The following CPNE3 variants were observed in gnomAD, a reference collection of about 807,000 sequenced individuals.
CPNE3 encodes copine-3.
CPNE3 carries 68 observed loss-of-function variants against 63.9 expected under a neutral mutation model. That is an observed-to-expected ratio of 1.06 (90% CI 0.87 to 1.30). CPNE3 has a LOEUF of 1.30. Ranked by LOEUF, CPNE3 falls within the 50% of genes most tolerant of loss-of-function variation. The probability of loss-of-function intolerance (pLI) is 0.00; values close to 1 mark genes in which losing one functional copy is unlikely to be tolerated. For synonymous variants in CPNE3, 219 were observed against 197.5 expected (o/e 1.11, Z -0.91); for missense variants, 665 against 578.1 (o/e 1.15, Z -1.54).
chr8:86,555,954 A>G (rs1280411202), intron 15 of CPNE3, 148 bp from the exon 16 acceptor site: 3 of 667,192 alleles, frequency 4.5e-6, no homozygotes, highest in Non-Finnish European at 8.1e-6. Flanking sequence ...CCTTGTCATC[A>G]GAGAAGCTTA....
chr8:86,516,897 T>C (rs1820324644), intron 2 of CPNE3, among the ~76,000 whole-genome samples: 1 of 152,262 alleles, frequency 6.6e-6, no homozygotes, highest in Non-Finnish European at 1.5e-5. Flanking sequence ...AATGATTATA[T>C]GTCATTTGAC....
intron 2 of CPNE3, 21 bp from the exon 3 acceptor site, chr8:86,528,515 T>C: frequency 6.2e-7 from 1 of 1,610,356 alleles, no homozygotes; most frequent in Non-Finnish European, 8.5e-7. Context: ...ACTTGCTTTC[T>C]CTTTTTATTG....
chr8:86,557,138 G>A (rs2131508641), intron 16 of CPNE3, among the ~76,000 whole-genome samples: 1 of 152,108 alleles, frequency 6.6e-6, no homozygotes, highest in South Asian at 2.1e-4. Flanking sequence ...TTTTGTTGTT[G>A]TTGTTGTTTG....
chr8:86,539,896 C>G (rs1209349959), intron 7 of CPNE3, among the ~76,000 whole-genome samples: 1 of 152,084 alleles, frequency 6.6e-6, no homozygotes, highest in Admixed American at 6.6e-5. Context: ...AACTCCTGAC[C>G]TCAGATGATC....
chr8:86,552,250 G>T (rs1821197694), intron 14 of CPNE3, among the ~76,000 whole-genome samples: 1 of 152,194 alleles, frequency 6.6e-6, no homozygotes, highest in African/African-American at 2.4e-5. Flanking sequence ...AGGTGGAAGA[G>T]CATGAACAAT....
chr8:86,518,337 GGAAT>G, intron 2 of CPNE3, among the ~76,000 whole-genome samples: 1 of 152,258 alleles, frequency 6.6e-6, no homozygotes, highest in Non-Finnish European at 1.5e-5. Context: ...TGGTCTGAGG[GGAAT>G]GAGAACCCCA....
chr8:86,550,587 C>T (rs1204822863), intron 12 of CPNE3, among the ~76,000 whole-genome samples: 1 of 152,130 alleles, frequency 6.6e-6, no homozygotes, highest in Non-Finnish European at 1.5e-5. Context: ...TCCACTGTCC[C>T]TCTCCCTAAT....
chr8:86,518,648 G>T (rs1417868319), intron 2 of CPNE3, among the ~76,000 whole-genome samples: 1 of 152,122 alleles, frequency 6.6e-6, no homozygotes. Flanking sequence ...GCAGTAGGGG[G>T]TGTATACCAA....
At chr8:86,546,082 A>G (rs1821041932) in intron 9 of CPNE3, among the ~76,000 whole-genome samples, 1 of 152,102 alleles carries the variant, frequency 6.6e-6, no homozygotes, top group Non-Finnish European at 1.5e-5. Flanking sequence ...TCAATTTTTA[A>G]CATGTATTCC....
intron 2 of CPNE3, among the ~76,000 whole-genome samples, chr8:86,519,780 C>T (rs1217659353): frequency 6.6e-6 from 1 of 152,198 alleles, no homozygotes; most frequent in East Asian, 1.9e-4. Flanking sequence ...ATGGCACGAT[C>T]TTGGCTCACT....
In CPNE3 at chr8:86,559,720, T is replaced by C. The variant is rs1443531038; in HGVS notation, c.*1310T>C. Reference sequence around the variant, plus strand: ...CTTAGTGAACATTACATTTTCAGAATAGATCCTAATATTTTATTGAGGGCC... The same window carrying C: ...CTTAGTGAACATTACATTTTCAGAACAGATCCTAATATTTTATTGAGGGCC... On this transcript the variant is annotated 3_prime_UTR_variant, in exon 17 of 17. Coordinates refer to ENST00000517490, the MANE Select transcript of CPNE3 (RefSeq NM_003909.5). 2 of 152,178 alleles carry C rather than the reference T, an allele frequency of 1.3e-5. No homozygotes were observed. The highest frequency in any genetic ancestry group is 2.1e-4 in the South Asian group (1 of 4,832). The allele number at this position is 152,178 out of a possible 1,614,324, so 9.4% of individuals were successfully genotyped here. A position where few individuals can be genotyped will look rare whatever the true frequency, so the allele number is the denominator to read the frequency against.
At chr8:86,517,327 T>C (rs933102810) in intron 2 of CPNE3, among the ~76,000 whole-genome samples, 1 of 152,212 alleles carries the variant, frequency 6.6e-6, no homozygotes, top group African/African-American at 2.4e-5. Context: ...TAGTAAATCA[T>C]TTTGAAATGT....
In CPNE3 at chr8:86,558,466, A is replaced by G. The variant is rs1237921117; in HGVS notation, c.*56A>G. 1.4e-5 allele frequency: 12 copies of G among 867,878 alleles called. No individual in the cohort carries two copies. The highest frequency in any genetic ancestry group is 2.0e-5 in the Non-Finnish European group (10 of 497,888). The allele number at this position is 867,878 out of a possible 1,614,324, so 53.8% of individuals were successfully genotyped here. A position where few individuals can be genotyped will look rare whatever the true frequency, so the allele number is the denominator to read the frequency against. ...GGAGCAATGCCATCTCTCACCCCAA[A>G]TCGTGTATCTGTCATTCTACGTACT... On this transcript the variant is annotated 3_prime_UTR_variant, in exon 17 of 17. Transcript: ENST00000517490.
At chr8:86,553,557 T>G (rs1346428429) in intron 14 of CPNE3, among the ~76,000 whole-genome samples, 1 of 152,182 alleles carries the variant, frequency 6.6e-6, no homozygotes, top group South Asian at 2.1e-4. Flanking sequence ...CTAGGAGTAA[T>G]AGGCTATACC....
chr8:86,519,845 C>G (rs1820393240), intron 2 of CPNE3, among the ~76,000 whole-genome samples: 1 of 152,204 alleles, frequency 6.6e-6, no homozygotes, highest in Admixed American at 6.5e-5. Flanking sequence ...TCCCATGTAG[C>G]TGGGATTACA....
At position 86,551,251 on chromosome 8, in the gene CPNE3, A is replaced by G. The variant is rs1202514460; in HGVS notation, c.1120+17A>G. ...ACTGCAATGGTAAGTTAAAAAATAA[A>G]CATGAAGACTTCAAATGGAAAGGCT... is the stretch of plus-strand genomic sequence containing the variant. On this transcript the variant is annotated intron_variant, in intron 14 of 16. Coordinates refer to ENST00000517490, the MANE Select transcript of CPNE3 (RefSeq NM_003909.5). 2 of 1,526,238 alleles carry G rather than the reference A, an allele frequency of 1.3e-6. No individual in the cohort carries two copies. The highest frequency in any genetic ancestry group is 1.8e-6 in the Non-Finnish European group (2 of 1,101,104). 94.5% of individuals were successfully genotyped at this position (1,526,238 alleles called of 1,614,324 possible). A position where few individuals can be genotyped will look rare whatever the true frequency, so the allele number is the denominator to read the frequency against.
chr8:86,522,169 C>T (rs1012444644), intron 2 of CPNE3, among the ~76,000 whole-genome samples: 1 of 152,130 alleles, frequency 6.6e-6, no homozygotes, highest in African/African-American at 2.4e-5. Flanking sequence ...AAGTAGAAAT[C>T]TCTGGGGAGC....
intron 2 of CPNE3, among the ~76,000 whole-genome samples, chr8:86,525,381 A>G (rs1288387857): frequency 6.6e-6 from 1 of 152,246 alleles, no homozygotes; most frequent in Non-Finnish European, 1.5e-5. Context: ...TGAAAACAGT[A>G]TCTTCATGAA....
At chr8:86,534,862 C>G (rs1820769109) in intron 6 of CPNE3, among the ~76,000 whole-genome samples, 1 of 152,104 alleles carries the variant, frequency 6.6e-6, no homozygotes. Context: ...AGTTGGTTCC[C>G]TAGCATCCAC....
Sources: allele counts gnomAD v4.1 joint callset (sites outside exome capture counted in the v4.1 genomes callset), GRCh38; gene constraint gnomAD v4.1.1; transcripts MANE v1.5; gene names NCBI Gene and HGNC (gene_info 2026-07-23, HGNC 2026-07-21).